RIMKLB: variants seen among roughly 807,000 people sequenced by gnomAD.
RIMKLB encodes the protein beta-citrylglutamate synthase B.
In RIMKLB, 7 loss-of-function variants were observed where a neutral mutation model predicts 32.0. The ratio of observed to expected loss-of-function variants is 0.22; its 90% CI spans 0.12 to 0.41. The LOEUF is 0.41. RIMKLB is among the 10% of genes least tolerant of loss of function. The pLI, the probability that RIMKLB is intolerant of heterozygous loss-of-function variation, is 1.00. For synonymous variants in RIMKLB, 172 were observed against 185.1 expected, an observed-to-expected ratio of 0.93 and a Z score of 0.57; for missense variants, 289 against 498.7, an observed-to-expected ratio of 0.58 and a Z score of 4.00.
chr12:8,777,567 G>T (rs1429788750), downstream of RIMKLB: 1 of 1,276,646 alleles, frequency 7.8e-7, no homozygotes. Context: ...CTAACTGCTT[G>T]CACTGTTACT....
At chr12:8,740,036 G>T in intron 2 of RIMKLB, among the ~76,000 whole-genome samples, 1 of 152,170 alleles carries the variant, frequency 6.6e-6, no homozygotes, top group East Asian at 1.9e-4. Flanking sequence ...CTCCCCAGTA[G>T]CTGGGATTAC....
intron 2 of RIMKLB, among the ~76,000 whole-genome samples, chr12:8,718,268 C>T (rs60761426): frequency 0.022 from 3,290 of 152,224 alleles, 113 homozygotes; most frequent in African/African-American, 0.075. Flanking sequence ...TGATTAATTA[C>T]CAGAGCTCTG....
chr12:8,728,786 T>G (rs1946269028), intron 2 of RIMKLB, among the ~76,000 whole-genome samples: 1 of 151,634 alleles, frequency 6.6e-6, no homozygotes, highest in African/African-American at 2.4e-5. Context: ...TGTGTGTGTG[T>G]GTTTTTGTTT....
chr12:8,671,836 C>T, the RIMKLB span, among the ~76,000 whole-genome samples: 7 of 152,108 alleles, frequency 4.6e-5, no homozygotes, highest in Admixed American at 2.0e-4. Context: ...TGCTTGAACC[C>T]GGGAGGCAGA....
rs188412577 is a variant in RIMKLB at position 8,723,704 on chromosome 12, T to C, written c.175+9663T>C. 1.3e-3 allele frequency among the ~76,000 whole-genome samples: 198 copies of C among 152,208 alleles called. 4 individuals are homozygous for C. The highest frequency in any genetic ancestry group is 2.4e-5 in the African/African-American group (1 of 41,540). On this transcript the variant is annotated intron_variant, in intron 2 of 5. Transcript: ENST00000535829. ...AGGGAACTTAAAAAAAAATAAACTG[T>C]TGTCCTTTTGTCTTTCTCTACTCCT...
chr12:8,717,437 T>C (rs1431353400), intron 2 of RIMKLB, among the ~76,000 whole-genome samples: 1 of 152,074 alleles, frequency 6.6e-6, no homozygotes, highest in Non-Finnish European at 1.5e-5. Flanking sequence ...TTTTCCTTTT[T>C]TTTTTCCCTC....
At chr12:8,782,170 GTTT>G (rs138360722), downstream of RIMKLB, among the ~76,000 whole-genome samples, 1,597 of 151,964 alleles carry the variant, frequency 0.011, 34 homozygotes, top group African/African-American at 0.036. Flanking sequence ...ATCAAAAATT[GTTT>G]TTTTCTGTAA....
At chr12:8,764,854 C>G (rs1949825450) in intron 5 of RIMKLB, among the ~76,000 whole-genome samples, 1 of 151,608 alleles carries the variant, frequency 6.6e-6, no homozygotes, top group Non-Finnish European at 1.5e-5. Flanking sequence ...TGGAAGCAAG[C>G]CCTATTAGGC....
chr12:8,719,148 C>T (rs1412385234), intron 2 of RIMKLB, among the ~76,000 whole-genome samples: 1 of 152,148 alleles, frequency 6.6e-6, no homozygotes, highest in Non-Finnish European at 1.5e-5. Context: ...TTATAGTTGG[C>T]ACTGTGCAGT....
upstream of RIMKLB, among the ~76,000 whole-genome samples, chr12:8,693,036 A>G (rs1333157289): frequency 6.6e-6 from 1 of 152,218 alleles, no homozygotes; most frequent in African/African-American, 2.4e-5. Flanking sequence ...TCTCTTTACT[A>G]CTTCGAGGCC....
chr12:8,727,833 G>T (rs1158023190), intron 2 of RIMKLB, among the ~76,000 whole-genome samples: 1 of 151,796 alleles, frequency 6.6e-6, no homozygotes, highest in Non-Finnish European at 1.5e-5. Context: ...CCCCAGGGGT[G>T]GAGGTTGCAG....
intron 2 of RIMKLB, among the ~76,000 whole-genome samples, chr12:8,715,291 C>A (rs745669429): frequency 2.8e-5 from 4 of 143,200 alleles, no homozygotes; most frequent in Non-Finnish European, 6.0e-5. Context: ...GTGGCACTAT[C>A]TCAGCTCACT....
chr12:8,706,834 A>G (rs1943924052), intron 1 of RIMKLB, among the ~76,000 whole-genome samples: 1 of 152,156 alleles, frequency 6.6e-6, no homozygotes, highest in Admixed American at 6.5e-5. Flanking sequence ...GCTCATTGAA[A>G]TGGATTCTGA....
chr12:8,722,168 T>A (rs1261785745), intron 2 of RIMKLB, among the ~76,000 whole-genome samples: 3 of 151,444 alleles, frequency 2.0e-5, no homozygotes, highest in Non-Finnish European at 4.4e-5. Flanking sequence ...TGTCTTAAAT[T>A]ATAAGATTTG....
chr12:8,724,581 T>C (rs1455901393), intron 2 of RIMKLB, among the ~76,000 whole-genome samples: 1 of 152,196 alleles, frequency 6.6e-6, no homozygotes, highest in Non-Finnish European at 1.5e-5. Flanking sequence ...TATGGTGTGG[T>C]GTCTGAGTGG....
intron 2 of RIMKLB, among the ~76,000 whole-genome samples, chr12:8,746,005 A>G (rs766049361): frequency 6.6e-6 from 1 of 151,958 alleles, no homozygotes; most frequent in Admixed American, 6.6e-5. Context: ...CCATAAATTA[A>G]TATTTAAACA....
intron 1 of RIMKLB, among the ~76,000 whole-genome samples, chr12:8,699,069 G>A (rs919183641): frequency 6.6e-6 from 1 of 152,000 alleles, no homozygotes; most frequent in Non-Finnish European, 1.5e-5. Flanking sequence ...ATTTGTATTG[G>A]CGAATAGCGA....
At chr12:8,750,625 G>GTT (rs59008678) in intron 3 of RIMKLB, among the ~76,000 whole-genome samples, 1 of 146,532 alleles carries the variant, frequency 6.8e-6, no homozygotes, top group Non-Finnish European at 1.5e-5. Context: ...TGGTAAAAGG[G>GTT]TTTTTTTTTT....
intron 4 of RIMKLB, 116 bp downstream of exon 4, chr12:8,752,159 T>C: frequency 1.5e-6 from 1 of 670,610 alleles, no homozygotes; most frequent in Non-Finnish European, 2.6e-6. Context: ...ACCTCAGACT[T>C]ACAGAAGGCT....
Sources: gnomAD v4.1 joint callset for allele counts (sites outside exome capture counted in the v4.1 genomes callset) on GRCh38, gnomAD v4.1.1 for gene constraint, MANE v1.5 for transcripts, NCBI Gene and HGNC (gene_info 2026-07-23, HGNC 2026-07-21) for gene names.